Variants in ANO10 observed in about 807,000 individuals in gnomAD.
The protein encoded by ANO10 is anoctamin 10.
In ANO10, 77 loss-of-function variants were observed where a neutral mutation model predicts 74.7. The ratio of observed to expected loss-of-function variants is 1.03; its 90% CI spans 0.86 to 1.25. The LOEUF is 1.25. ANO10 is among the 50% of genes most tolerant of loss of function. The pLI is 0.00. For synonymous variants in ANO10, 279 were observed against 284.9 expected (o/e 0.98, Z 0.21); for missense variants, 721 against 778.1 (o/e 0.93, Z 0.87).
chr3:43,641,203 A>G (rs1012649857), intron 1 of ANO10, among the ~76,000 whole-genome samples: 3 of 152,230 alleles, frequency 2.0e-5, no homozygotes, highest in African/African-American at 7.2e-5. Context: ...CACAAGATTG[A>G]TATCAAAAAA....
chr3:43,565,826 G>A, intron 7 of ANO10, 99 bp from the exon 8 acceptor site: 3 of 1,272,528 alleles, frequency 2.4e-6, no homozygotes, highest in South Asian at 1.3e-5. Flanking sequence ...TGGGAGCGGG[G>A]AGGAGCCAAG....
At chr3:43,567,963 G>T (rs1036804175) in intron 7 of ANO10, among the ~76,000 whole-genome samples, 1 of 151,960 alleles carries the variant, frequency 6.6e-6, no homozygotes. Context: ...GACACCCACA[G>T]GCTCAAAATA....
chr3:43,590,979 G>A (rs1388657239), intron 4 of ANO10, among the ~76,000 whole-genome samples: 1 of 152,206 alleles, frequency 6.6e-6, no homozygotes, highest in African/African-American at 2.4e-5. Context: ...AAAGCAGGAG[G>A]TAAAGAAATA....
chr3:43,572,920 C>G (rs2080808811), intron 7 of ANO10, among the ~76,000 whole-genome samples: 1 of 151,742 alleles, frequency 6.6e-6, no homozygotes, highest in African/African-American at 2.4e-5. Context: ...GGCTAAGAAA[C>G]ACCATCCCCT....
At position 43,555,477 on chromosome 3, in the gene ANO10, T is replaced by C. The variant is rs2079699413; in HGVS notation, c.1477-8A>G. ...GTAATCATCAAAGGTGCCCTGAAAA[T>C]ATAAACAAGCATGCATTATTTTAAT... On this transcript the variant is annotated splice_region_variant and splice_polypyrimidine_tract_variant and intron_variant, in intron 9 of 12. Transcript: ENST00000292246. 6.2e-7 allele frequency: 1 copy of C among 1,613,548 alleles called. No homozygotes were observed. The highest frequency in any genetic ancestry group is 1.3e-5 in the African/African-American group (1 of 75,002).
intron 11 of ANO10, among the ~76,000 whole-genome samples, chr3:43,464,297 G>A (rs1024159184): frequency 1.3e-5 from 2 of 152,096 alleles, no homozygotes; most frequent in Admixed American, 1.3e-4. Flanking sequence ...ATCTCTCATT[G>A]GTATAGACGT....
At chr3:43,672,052 T>G (rs2084065494) in intron 1 of ANO10, among the ~76,000 whole-genome samples, 1 of 152,246 alleles carries the variant, frequency 6.6e-6, no homozygotes, top group Admixed American at 6.5e-5. Context: ...ATATCTGTTA[T>G]GCTGCTGCAA....
chr3:43,370,544 G>T (rs2091572292), intron 12 of ANO10, among the ~76,000 whole-genome samples: 1 of 149,992 alleles, frequency 6.7e-6, no homozygotes, highest in Non-Finnish European at 1.5e-5. Context: ...TAACAAACCT[G>T]GCTGGAGGGT....
rs1370854319 is a variant in ANO10 at position 43,423,068 on chromosome 3, T to C, written c.1914+9543A>G. 2.6e-5 allele frequency among the ~76,000 whole-genome samples: 4 copies of C among 151,988 alleles called. No individual in the cohort carries two copies. The East Asian group carries it at 7.7e-4, about 29-fold the overall frequency. ...CGTGATTTGGGGTTATTTTACAATC[T>C]TGGGGAGCTACTCTTGTTACTGATG... On this transcript the variant is annotated intron_variant, in intron 12 of 12. Transcript: ENST00000292246.
chr3:43,535,638 T>G (rs1189314542), intron 11 of ANO10, among the ~76,000 whole-genome samples: 1 of 152,162 alleles, frequency 6.6e-6, no homozygotes, highest in Non-Finnish European at 1.5e-5. Flanking sequence ...CTCCTTATTT[T>G]ACTGTGAACT....
chr3:43,379,067 G>C (rs2091889235), intron 12 of ANO10, among the ~76,000 whole-genome samples: 2 of 152,062 alleles, frequency 1.3e-5, no homozygotes, highest in Non-Finnish European at 2.9e-5. Context: ...AAACATCATT[G>C]AACATTCCTC....
At chr3:43,531,826 C>T (rs918412431) in intron 11 of ANO10, among the ~76,000 whole-genome samples, 1 of 151,300 alleles carries the variant, frequency 6.6e-6, no homozygotes. Context: ...GCCCAGGAGG[C>T]GGAGGTTGCA....
At chr3:43,655,242 T>G (rs1015258242) in intron 1 of ANO10, among the ~76,000 whole-genome samples, 2 of 152,142 alleles carry the variant, frequency 1.3e-5, no homozygotes, top group African/African-American at 2.4e-5. Context: ...AATGAAGCCG[T>G]GGACCCTCGC....
intron 12 of ANO10, among the ~76,000 whole-genome samples, chr3:43,399,079 C>T (rs1350191995): frequency 1.3e-5 from 2 of 152,182 alleles, no homozygotes; most frequent in East Asian, 3.9e-4. Context: ...CCACTCACCT[C>T]GAACTTCAAA....
chr3:43,416,513 G>T lies in ANO10; in HGVS notation c.1914+16098C>A, dbSNP rs139024496. 6.8e-4 allele frequency among the ~76,000 whole-genome samples: 104 copies of T among 152,252 alleles called. 2 individuals are homozygous for T. Among genetic ancestry groups the T allele is most frequent in the African/African-American group, 2.1e-3 (86 of 41,560 alleles). ...TTTTATTAATAGGAAAATACAACAT[G>T]AAACAGAATTCTGAAAGGAAAAGGA... On this transcript the variant is annotated intron_variant, in intron 12 of 12. Coordinates refer to ENST00000292246, the MANE Select transcript of ANO10 (RefSeq NM_018075.5).
At chr3:43,523,604 T>C (rs747775746) in intron 11 of ANO10, among the ~76,000 whole-genome samples, 82 of 152,132 alleles carry the variant, frequency 5.4e-4, no homozygotes, top group Admixed American at 1.1e-3. Context: ...GGACAGTAGC[T>C]GTTTGAGTGT....
chr3:43,647,477 A>G (rs549319515), intron 1 of ANO10, among the ~76,000 whole-genome samples: 211 of 152,122 alleles, frequency 1.4e-3, no homozygotes, highest in African/African-American at 4.9e-3. Context: ...CTAGGCCCTC[A>G]ACGGCTTGGG....
At position 43,691,192 on chromosome 3, in the gene ANO10, GCCCAGAGGCGT is replaced by G. The variant is rs1254024236; in HGVS notation, c.-12+314_-12+324del. 1.3e-5 allele frequency: 9 copies of G among 670,732 alleles called. No homozygotes were observed. In the Admixed American group the frequency reaches 3.5e-4, roughly 26 times the overall value. The allele number at this position is 670,732 out of a possible 1,614,324, so 41.5% of individuals were successfully genotyped here. A position where few individuals can be genotyped will look rare whatever the true frequency, so the allele number is the denominator to read the frequency against. On this transcript the variant is annotated intron_variant, in intron 1 of 3. Coordinates refer to the ANO10 transcript ENST00000413397. ...CCTCCCCGGCATGAGTCCGCGCGGCGCCCAGAGGCGTCCCGGCGCCGCTCTGCCTGGGAGAG... is the reference window on the plus strand; with the variant it reads ...CCTCCCCGGCATGAGTCCGCGCGGCGCCCGGCGCCGCTCTGCCTGGGAGAG...
intron 1 of ANO10, among the ~76,000 whole-genome samples, chr3:43,675,594 G>C (rs1475967575): frequency 6.6e-6 from 1 of 151,756 alleles, no homozygotes; most frequent in Non-Finnish European, 1.5e-5. Context: ...ATGATATACA[G>C]AGGGCAAAAC....
Sources: gnomAD v4.1 joint callset for allele counts (sites outside exome capture counted in the v4.1 genomes callset) on GRCh38, gnomAD v4.1.1 for gene constraint, MANE v1.5 for transcripts, NCBI Gene and HGNC (gene_info 2026-07-23, HGNC 2026-07-21) for gene names.